The following PREX1 variants were observed in gnomAD, a reference collection of about 807,000 sequenced individuals.
The protein encoded by PREX1 is phosphatidylinositol-3,4,5-trisphosphate dependent Rac exchange factor 1.
In PREX1, 41 loss-of-function variants were observed where a neutral mutation model predicts 198.3. The observed-to-expected ratio is 0.21, with a 90% CI of 0.16 to 0.27. The LOEUF (loss-of-function observed/expected upper bound fraction) is 0.27. Among genes scored for constraint, PREX1 ranks in the 10% least tolerant of loss-of-function variants. The pLI is 1.00. For missense variants in PREX1, 1,620 were observed against 2,200.7 expected, an observed-to-expected ratio of 0.74 and a Z score of 5.28; for synonymous variants, 843 against 887.2, an observed-to-expected ratio of 0.95 and a Z score of 0.89.
At chr20:48,726,957 C>T (rs192816426) in intron 4 of PREX1, among the ~76,000 whole-genome samples, 16 of 152,324 alleles carry the variant, frequency 1.1e-4, no homozygotes, top group South Asian at 4.1e-4. Context: ...CGTAGCAACA[C>T]GGGCGAACCC....
intron 1 of PREX1, among the ~76,000 whole-genome samples, chr20:48,770,664 T>A (rs755456496): frequency 1.3e-5 from 2 of 152,002 alleles, no homozygotes; most frequent in Non-Finnish European, 2.9e-5. Context: ...GAGCCAAGAT[T>A]GCTCCACTGC....
At chr20:48,790,702 T>C (rs1423660849) in intron 1 of PREX1, among the ~76,000 whole-genome samples, 1 of 152,146 alleles carries the variant, frequency 6.6e-6, no homozygotes, top group Non-Finnish European at 1.5e-5. Context: ...AGGCACGCCC[T>C]AGAGGAAGCC....
chr20:48,631,936 C>T (rs1036266154), intron 35 of PREX1, among the ~76,000 whole-genome samples: 4 of 152,182 alleles, frequency 2.6e-5, no homozygotes, highest in Non-Finnish European at 5.9e-5. Context: ...TGTCCTAGCT[C>T]CCACCCTCTG....
At chr20:48,863,169 T>C in the PREX1 span, among the ~76,000 whole-genome samples, 1 of 152,152 alleles carries the variant, frequency 6.6e-6, no homozygotes, top group Non-Finnish European at 1.5e-5. Context: ...TACAGAAAAA[T>C]TGAAAGGAAA....
At chr20:48,716,749 G>A (rs767304483) in intron 5 of PREX1, among the ~76,000 whole-genome samples, 9 of 152,206 alleles carry the variant, frequency 5.9e-5, no homozygotes, top group East Asian at 1.9e-4. Flanking sequence ...ATGCTGAGCC[G>A]GTGGGCCTCA....
At chr20:48,850,455 G>A in the PREX1 span, among the ~76,000 whole-genome samples, 3 of 152,142 alleles carry the variant, frequency 2.0e-5, no homozygotes, top group Admixed American at 1.3e-4. Context: ...GGTGACCTTT[G>A]GGAGAAACGC....
chr20:48,709,211 AC>A (rs1199821180), intron 5 of PREX1, among the ~76,000 whole-genome samples: 1 of 152,030 alleles, frequency 6.6e-6, no homozygotes, highest in Non-Finnish European at 1.5e-5. Flanking sequence ...AAATCACCCA[AC>A]CGCCCCCGTC....
At chr20:48,638,459 C>T (rs1038916015) in intron 30 of PREX1, among the ~76,000 whole-genome samples, 4 of 152,182 alleles carry the variant, frequency 2.6e-5, no homozygotes, top group Non-Finnish European at 4.4e-5. Context: ...ACATCCTGTT[C>T]TCTTTCCTTA....
At chr20:48,708,471 A>G in intron 5 of PREX1, 50 bp from the exon 6 acceptor site, 1 of 1,590,532 alleles carries the variant, frequency 6.3e-7, no homozygotes, top group Non-Finnish European at 8.6e-7. Flanking sequence ...CAATCAATCC[A>G]GAGGAGACCC....
intron 6 of PREX1, among the ~76,000 whole-genome samples, chr20:48,705,217 T>C (rs1033476284): frequency 6.0e-5 from 9 of 150,720 alleles, no homozygotes; most frequent in Non-Finnish European, 1.0e-4. Flanking sequence ...ACGGAGGGGG[T>C]TGTCTCATTC....
chr20:48,792,628 T>G (rs2122976455), intron 1 of PREX1, among the ~76,000 whole-genome samples: 1 of 152,152 alleles, frequency 6.6e-6, no homozygotes, highest in Admixed American at 6.5e-5. Flanking sequence ...ATACAAAAAC[T>G]TGTACACTCA....
chr20:48,862,187 C>T, the PREX1 span, among the ~76,000 whole-genome samples: 17 of 151,770 alleles, frequency 1.1e-4, no homozygotes, highest in Admixed American at 3.3e-4. Context: ...CTGGCCTGGG[C>T]GACAGAGCGA....
intron 1 of PREX1, among the ~76,000 whole-genome samples, chr20:48,762,805 C>A (rs992323744): frequency 6.6e-6 from 1 of 151,058 alleles, no homozygotes; most frequent in African/African-American, 2.4e-5. Flanking sequence ...TGGGTTCAAG[C>A]GATTCTTCTG....
chr20:48,833,369 G>A, the PREX1 span, among the ~76,000 whole-genome samples: 3 of 151,840 alleles, frequency 2.0e-5, no homozygotes, highest in Admixed American at 2.0e-4. Flanking sequence ...CCTGCCTCTA[G>A]ACTTCTTGTA....
intron 39 of PREX1, 34 bp from the exon 40 acceptor site, chr20:48,625,961 CG>C (rs1180478654): frequency 1.3e-6 from 2 of 1,518,960 alleles, no homozygotes; most frequent in East Asian, 2.6e-5. Flanking sequence ...GAGGAGAGGC[CG>C]GGGCGGGCCA....
At chr20:48,866,914 G>A in the PREX1 span, among the ~76,000 whole-genome samples, 1 of 152,136 alleles carries the variant, frequency 6.6e-6, no homozygotes, top group Non-Finnish European at 1.5e-5. Context: ...GGGAAACAGA[G>A]GGAGATCCTA....
the PREX1 span, among the ~76,000 whole-genome samples, chr20:48,884,619 T>C: frequency 6.6e-6 from 1 of 152,218 alleles, no homozygotes; most frequent in Non-Finnish European, 1.5e-5. Flanking sequence ...CCTTGTTACA[T>C]ATGATGTCAA....
At chr20:48,788,944 C>A (rs1460447031) in intron 1 of PREX1, among the ~76,000 whole-genome samples, 1 of 152,038 alleles carries the variant, frequency 6.6e-6, no homozygotes, top group Non-Finnish European at 1.5e-5. Context: ...TCTTTAGAAC[C>A]CCCAAGAACG....
chr20:48,741,362 T>G lies in PREX1; in HGVS notation c.414+3663A>C, dbSNP rs2090080969. On this transcript the variant is annotated intron_variant, in intron 3 of 39. Coordinates refer to ENST00000371941, the MANE Select transcript of PREX1 (RefSeq NM_020820.4). ...TTTTTTTTTTATTTTATTTTTTGTTTTGTTTTGTTTGTTTTCAGACAATGT... is the reference window on the plus strand; with the variant it reads ...TTTTTTTTTTATTTTATTTTTTGTTGTGTTTTGTTTGTTTTCAGACAATGT... Among the ~76,000 whole-genome samples the G allele has an allele frequency of 2.0e-5, 3 of 152,014 alleles. No homozygotes were observed. In the South Asian group the frequency reaches 6.2e-4, roughly 31 times the overall value.
Sources: gnomAD v4.1 joint callset for allele counts (sites outside exome capture counted in the v4.1 genomes callset) on GRCh38, gnomAD v4.1.1 for gene constraint, MANE v1.5 for transcripts, NCBI Gene and HGNC (gene_info 2026-07-23, HGNC 2026-07-21) for gene names.